Variants in PTPRK observed in about 807,000 individuals in gnomAD.
The protein encoded by PTPRK is protein tyrosine phosphatase receptor type K, also known as receptor-type tyrosine-protein phosphatase kappa.
In PTPRK, 75 loss-of-function variants were observed where a neutral mutation model predicts 178.0. The ratio of observed to expected loss-of-function variants is 0.42; its 90% CI spans 0.35 to 0.51. The LOEUF (loss-of-function observed/expected upper bound fraction) is 0.51, where lower values mean the gene tolerates loss of function less well. PTPRK is among the 20% of genes least tolerant of loss of function. The probability of loss-of-function intolerance (pLI) is 0.02; values close to 1 mark genes in which losing one functional copy is unlikely to be tolerated. For synonymous variants in PTPRK, 637 were observed against 620.6 expected (o/e 1.03, Z -0.39); for missense variants, 1,441 against 1,797.8 (o/e 0.80, Z 3.59).
chr6:128,451,838 C>A (rs1847833353), intron 1 of PTPRK, among the ~76,000 whole-genome samples: 1 of 151,920 alleles, frequency 6.6e-6, no homozygotes, highest in Non-Finnish European at 1.5e-5. Context: ...GTACTTGAAC[C>A]AAAAAGTTTG....
chr6:128,116,034 T>TAA (rs113281589), intron 7 of PTPRK, among the ~76,000 whole-genome samples: 3,932 of 152,224 alleles, frequency 0.026, 98 homozygotes, highest in Middle Eastern at 0.086. Context: ...AGACTATTGC[T>TAA]TATATGTGAA....
At chr6:128,098,508 C>A (rs1238743263) in intron 7 of PTPRK, among the ~76,000 whole-genome samples, 1 of 152,034 alleles carries the variant, frequency 6.6e-6, no homozygotes, top group East Asian at 1.9e-4. Flanking sequence ...CAACCTATAG[C>A]CAGTCCATCA....
At chr6:128,011,642 G>A (rs1779071527) in intron 13 of PTPRK, among the ~76,000 whole-genome samples, 1 of 150,922 alleles carries the variant, frequency 6.6e-6, no homozygotes, top group Non-Finnish European at 1.5e-5. Flanking sequence ...TATTACCTAG[G>A]TTTAGTAATA....
chr6:128,218,759 A>G (rs1459644215), intron 6 of PTPRK, among the ~76,000 whole-genome samples, 163 bp downstream of exon 6: 1 of 152,228 alleles, frequency 6.6e-6, no homozygotes, highest in Admixed American at 6.5e-5. Flanking sequence ...TACAGTCTTA[A>G]TTTCACCTTC....
intron 8 of PTPRK, among the ~76,000 whole-genome samples, chr6:128,087,797 G>A (rs887986775): frequency 3.3e-5 from 5 of 151,964 alleles, no homozygotes; most frequent in Non-Finnish European, 4.4e-5. Context: ...TATAGTTTCC[G>A]AACTATATTG....
chr6:128,500,742 T>A (rs890893103), intron 1 of PTPRK: 5 of 152,160 alleles, frequency 3.3e-5, no homozygotes, highest in Admixed American at 2.6e-4. Flanking sequence ...GGAGAAAGAG[T>A]ACTAACTGAG....
intron 2 of PTPRK, among the ~76,000 whole-genome samples, chr6:128,381,860 A>G (rs1236470733): frequency 1.3e-5 from 2 of 152,098 alleles, no homozygotes; most frequent in African/African-American, 4.8e-5. Context: ...TAGACTAGAG[A>G]TAATCTATAG....
intron 13 of PTPRK, among the ~76,000 whole-genome samples, chr6:128,017,802 G>GTGTGTATATA (rs1287001811): frequency 9.9e-6 from 1 of 101,258 alleles, no homozygotes; most frequent in African/African-American, 3.3e-5. Context: ...ATATATATGT[G>GTGTGTATATA]TATATATATA....
chr6:128,195,016 A>T (rs1804613791), intron 6 of PTPRK, among the ~76,000 whole-genome samples: 1 of 152,102 alleles, frequency 6.6e-6, no homozygotes, highest in Admixed American at 6.5e-5. Flanking sequence ...TGTGTGTGTA[A>T]TATACATATA....
At chr6:128,108,888 T>C (rs138405948) in intron 7 of PTPRK, among the ~76,000 whole-genome samples, 1 of 152,124 alleles carries the variant, frequency 6.6e-6, no homozygotes, top group Middle Eastern at 3.2e-3. Context: ...CTAGTTCACA[T>C]CTCTTTCTCT....
At chr6:128,084,393 GTTGA>G (rs1445529591) in intron 8 of PTPRK, among the ~76,000 whole-genome samples, 1 of 152,140 alleles carries the variant, frequency 6.6e-6, no homozygotes, top group Non-Finnish European at 1.5e-5. Context: ...AAAAGGCAGT[GTTGA>G]TTATTACCAT....
At chr6:128,496,876 A>G (rs1426607712) in intron 1 of PTPRK, among the ~76,000 whole-genome samples, 1 of 152,228 alleles carries the variant, frequency 6.6e-6, no homozygotes, top group East Asian at 1.9e-4. Flanking sequence ...GAAGACTATA[A>G]TTTTTCTCAC....
intron 1 of PTPRK, among the ~76,000 whole-genome samples, chr6:128,448,015 TC>T (rs1272424559): frequency 2.0e-5 from 3 of 152,190 alleles, no homozygotes; most frequent in African/African-American, 7.2e-5. Context: ...AATAAAATAC[TC>T]CATGACTCAG....
In PTPRK at chr6:128,151,420, C is replaced by T. The variant is rs188523131; in HGVS notation, c.1162+33012G>A. On this transcript the variant is annotated intron_variant, in intron 7 of 29. Transcript: ENST00000368226. ...TCTTTATCTATATAGCTTTAAACAT[C>T]TCTTTAGTAGATTATTACTAAATAT... Among the ~76,000 whole-genome samples, 222 of 152,090 alleles carry T rather than the reference C, an allele frequency of 1.5e-3. 2 individuals are homozygous for T. Among genetic ancestry groups the T allele is most frequent in the African/African-American group, 5.1e-3 (213 of 41,534 alleles).
chr6:128,329,965 C>G (rs1372797925), intron 2 of PTPRK, among the ~76,000 whole-genome samples: 5 of 152,168 alleles, frequency 3.3e-5, no homozygotes, highest in Non-Finnish European at 7.3e-5. Flanking sequence ...AATATTCTAT[C>G]CTCATAAGAA....
chr6:128,166,676 ACT>A (rs1799450357), intron 7 of PTPRK, among the ~76,000 whole-genome samples: 1 of 151,494 alleles, frequency 6.6e-6, no homozygotes, highest in Non-Finnish European at 1.5e-5. Flanking sequence ...TAGTAACAAA[ACT>A]CTATAAACAT....
chr6:128,263,508 C>T (rs937633559), intron 3 of PTPRK, among the ~76,000 whole-genome samples: 1 of 152,002 alleles, frequency 6.6e-6, no homozygotes, highest in Non-Finnish European at 1.5e-5. Flanking sequence ...CAGTAGCACA[C>T]CATTATACGG....
At chr6:128,358,836 T>TGCAG (rs1194588877) in intron 2 of PTPRK, among the ~76,000 whole-genome samples, 1 of 152,212 alleles carries the variant, frequency 6.6e-6, no homozygotes, top group Non-Finnish European at 1.5e-5. Context: ...TTTAAGTATC[T>TGCAG]GCAGGCAGCA....
intron 1 of PTPRK, among the ~76,000 whole-genome samples, chr6:128,509,233 G>A (rs1856821309): frequency 6.6e-6 from 1 of 152,176 alleles, no homozygotes; most frequent in South Asian, 2.1e-4. Context: ...ACCTTGGAAT[G>A]TATCCCCCAG....
Sources: gnomAD v4.1 joint callset for allele counts (sites outside exome capture counted in the v4.1 genomes callset) on GRCh38, gnomAD v4.1.1 for gene constraint, MANE v1.5 for transcripts, NCBI Gene and HGNC (gene_info 2026-07-23, HGNC 2026-07-21) for gene names.